Variants in SLC39A3 observed in about 807,000 individuals in gnomAD.
SLC39A3 encodes solute carrier family 39 member 3, also known as zinc transporter ZIP3.
Under a neutral mutation model 5.1 loss-of-function variants are expected in SLC39A3, and 3 were observed. The observed-to-expected ratio is 0.59, with a 90% CI of 0.27 to 1.54. The LOEUF (loss-of-function observed/expected upper bound fraction) is 1.54, where lower values mean the gene tolerates loss of function less well. Ranked by LOEUF, SLC39A3 falls within the 40% of genes most tolerant of loss-of-function variation. The pLI is 0.12. For synonymous variants in SLC39A3, 250 were observed against 218.8 expected, an observed-to-expected ratio of 1.14 and a Z score of -1.26; for missense variants, 412 against 436.4, an observed-to-expected ratio of 0.94 and a Z score of 0.50.
chr19:2,734,956 A>G lies in SLC39A3; in HGVS notation c.211-1471T>C. On this transcript the variant is annotated intron_variant, in intron 2 of 2. Coordinates refer to ENST00000269740, the MANE Select transcript of SLC39A3 (RefSeq NM_144564.5). This position sits in a 1 kb window ranked among gnomAD's most constrained non-coding sequence, Gnocchi z 4.6. Reference sequence around the variant, plus strand: ...GCACCATTTTCCAGGGGTGACTGAGAGCCTGGCCCTGCAGTGGGTGAGGCT... The same window carrying G: ...GCACCATTTTCCAGGGGTGACTGAGGGCCTGGCCCTGCAGTGGGTGAGGCT... 1.0e-6 allele frequency: 1 copy of G among 985,446 alleles called. No homozygotes were observed. Among genetic ancestry groups the G allele is most frequent in the Non-Finnish European group, 1.2e-6 (1 of 829,974 alleles). 61.0% of individuals were successfully genotyped at this position (985,446 alleles called of 1,614,324 possible).
At chr19:2,738,970 C>T (rs556800008) in intron 1 of SLC39A3, among the ~76,000 whole-genome samples, 120 of 149,652 alleles carry the variant, frequency 8.0e-4, no homozygotes, top group African/African-American at 2.7e-3. Flanking sequence ...CATGGTGGTA[C>T]GTGCCTGTAA....
At chr19:2,736,655 TGATAAAC>T in intron 2 of SLC39A3, 1 of 1,140,672 alleles carries the variant, frequency 8.8e-7, no homozygotes, top group Non-Finnish European at 1.1e-6. Flanking sequence ...AACTGTGAGA[TGATAAAC>T]GTCTGTAGTC....
rs1009407932 is a variant in SLC39A3 at position 2,734,553 on chromosome 19, A to G, written c.211-1068T>C. 9 of 177,582 alleles carry G rather than the reference A, an allele frequency of 5.1e-5. No individual in the cohort carries two copies. In the East Asian group the frequency reaches 1.7e-3, roughly 34 times the overall value. 11.0% of individuals were successfully genotyped at this position (177,582 alleles called of 1,614,324 possible). On this transcript the variant is annotated intron_variant, in intron 2 of 2. Coordinates refer to ENST00000269740, the MANE Select transcript of SLC39A3 (RefSeq NM_144564.5). This position sits in a 1 kb window ranked among gnomAD's most constrained non-coding sequence, Gnocchi z 4.6. ...TCTGGAAACATTTTTTATTTTCACA[A>G]CTCGGGTAGGGGGAAGGTGCTGACA...
At position 2,737,348 on chromosome 19, in the gene SLC39A3, C is replaced by T. The variant is rs989303983; in HGVS notation, c.-91G>A. ...CACGATGTGCTACCGAGCCCAACCA[C>T]ACAGTTGGAGGCTCATGTCTCAGTC... On this transcript the variant is annotated 5_prime_UTR_variant, in exon 2 of 3. The change creates a new upstream start codon in the 5' untranslated region. Transcript: ENST00000269740. 2.7e-6 allele frequency: 4 copies of T among 1,501,734 alleles called. No homozygotes were observed. The African/African-American group carries it at 5.6e-5, about 21-fold the overall frequency. The allele number at this position is 1,501,734 out of a possible 1,614,324, so 93.0% of individuals were successfully genotyped here. A position where few individuals can be genotyped will look rare whatever the true frequency, so the allele number is the denominator to read the frequency against.
rs551179920 is a variant in SLC39A3, at chr19:2,734,784, G to T, written c.211-1299C>A. On this transcript the variant is annotated intron_variant, in intron 2 of 2. Transcript: ENST00000269740. The surrounding 1 kb of genome is among the most constrained non-coding windows in gnomAD (Gnocchi z 4.6). ...CAGCAGAAGGCTGTGTTTCCACGGAGAAGCCACTTAACTCCCTCACTGACC... is the reference window on the plus strand; with the variant it reads ...CAGCAGAAGGCTGTGTTTCCACGGATAAGCCACTTAACTCCCTCACTGACC... The T allele has an allele frequency of 1.0e-6, 1 of 985,394 alleles. No individual in the cohort carries two copies. Among genetic ancestry groups the T allele is most frequent in the Non-Finnish European group, 1.2e-6 (1 of 829,972 alleles). 61.0% of individuals were successfully genotyped at this position (985,394 alleles called of 1,614,324 possible). A position where few individuals can be genotyped will look rare whatever the true frequency, so the allele number is the denominator to read the frequency against.
chr19:2,738,519 T>C (rs1454641621), intron 1 of SLC39A3, among the ~76,000 whole-genome samples: 25 of 152,150 alleles, frequency 1.6e-4, no homozygotes, highest in Non-Finnish European at 1.5e-5. Context: ...CTGCATGGGT[T>C]CTCCTCTCTC....
Position 2,733,528 on chromosome 19 carries a change from CA to C in SLC39A3, c.211-44del. On this transcript the variant is annotated intron_variant, in intron 2 of 2. Coordinates refer to ENST00000269740, the MANE Select transcript of SLC39A3 (RefSeq NM_144564.5). The surrounding 1 kb of genome is among the most constrained non-coding windows in gnomAD (Gnocchi z 6.1). ...CGAGAGAGAGAGAGAGACCCACGCT[CA>C]GGGGTGGCGGCGACAGGGCTGGCCA... 6.4e-7 allele frequency: 1 copy of C among 1,564,932 alleles called. No individual in the cohort carries two copies. The highest frequency in any genetic ancestry group is 8.6e-7 in the Non-Finnish European group (1 of 1,156,382).
At position 2,733,498 on chromosome 19, in the gene SLC39A3, A is replaced by C. The variant is rs762758360; in HGVS notation, c.211-13T>G. The C allele has an allele frequency of 2.5e-6, 4 of 1,602,676 alleles. No individual in the cohort carries two copies. In the South Asian group the frequency reaches 3.3e-5, roughly 13 times the overall value. ...GGACCTTCTGGAGCTGCAGCCGGGG[A>C]CACCCGAGAGAGAGAGAGAGACCCA... On this transcript the variant is annotated splice_polypyrimidine_tract_variant and intron_variant, in intron 2 of 2. Transcript: ENST00000269740. The surrounding 1 kb of genome is among the most constrained non-coding windows in gnomAD (Gnocchi z 6.1).
At position 2,733,046 on chromosome 19, in the gene SLC39A3, A is replaced by T. The variant is rs1914245543; in HGVS notation, c.650T>A (p.Ile217Asn). The T allele has an allele frequency of 1.2e-6, 2 of 1,609,424 alleles. No homozygotes were observed. Among genetic ancestry groups the T allele is most frequent in the South Asian group, 2.2e-5 (2 of 90,788 alleles). Residue 217 changes from isoleucine (I) to asparagine (N), a missense_variant, in exon 3 of 3, where the codon ATC becomes AAC. Coordinates refer to ENST00000269740, the MANE Select transcript of SLC39A3 (RefSeq NM_144564.5). The surrounding 1 kb of genome is among the most constrained non-coding windows in gnomAD (Gnocchi z 6.1). ...HETLVAVALG[I>N]SMARSAMPLR... ...GGGCATGGCACTCCGGGCCATGCTG[A>T]TGCCCAGGGCCACGGCCACCAGTGT...
chr19:2,736,918 C>A (rs888660674), intron 2 of SLC39A3, 130 bp downstream of exon 2: 3 of 1,541,018 alleles, frequency 1.9e-6, no homozygotes, highest in Non-Finnish European at 2.6e-6. Flanking sequence ...ACAGCAAATT[C>A]ACTTCCTACT....
intron 2 of SLC39A3, chr19:2,736,103 C>G: frequency 1.0e-6 from 1 of 985,510 alleles, no homozygotes; most frequent in Non-Finnish European, 1.2e-6. Flanking sequence ...TGTGGCCTGA[C>G]AGGGGACCCA....
Position 2,737,109 on chromosome 19 carries a change from A to G in SLC39A3, c.149T>C (p.Phe50Ser). ...CGTGGCCAGAAACACCCCTCCTCCA[A>G]AGGTGTTGCAGAGAGAGAGGATCTT... Reference protein sequence around the residue: ...SKKILSLCNTFGGGVFLATCF... With the variant: ...SKKILSLCNTSGGGVFLATCF... The change falls in exon 2 of 3, where the codon TTT (phenylalanine) becomes TCT (serine). Residue 50 changes from phenylalanine to serine, a missense_variant. Transcript: ENST00000269740. The G allele has an allele frequency of 6.2e-7, 1 of 1,614,052 alleles. No homozygotes were observed. Among genetic ancestry groups the G allele is most frequent in the Non-Finnish European group, 8.5e-7 (1 of 1,180,004 alleles).
At position 2,734,929 on chromosome 19, in the gene SLC39A3, A is replaced by C; in HGVS notation, c.211-1444T>G. The C allele has an allele frequency of 1.0e-6, 1 of 985,498 alleles. No homozygotes were observed. The highest frequency in any genetic ancestry group is 1.2e-6 in the Non-Finnish European group (1 of 829,980). The allele number at this position is 985,498 out of a possible 1,614,324, so 61.0% of individuals were successfully genotyped here. A position where few individuals can be genotyped will look rare whatever the true frequency, so the allele number is the denominator to read the frequency against. Reference sequence around the variant, plus strand: ...GGCAGATGCACGGGAGCTGTGAACCAGGCACCATTTTCCAGGGGTGACTGA... The same window carrying C: ...GGCAGATGCACGGGAGCTGTGAACCCGGCACCATTTTCCAGGGGTGACTGA... On this transcript the variant is annotated intron_variant, in intron 2 of 2. Coordinates refer to ENST00000269740, the MANE Select transcript of SLC39A3 (RefSeq NM_144564.5). The surrounding 1 kb of genome is among the most constrained non-coding windows in gnomAD (Gnocchi z 4.6).
At chr19:2,737,023 C>T in intron 2 of SLC39A3, 25 bp downstream of exon 2, 1 of 1,613,700 alleles carries the variant, frequency 6.2e-7, no homozygotes, top group East Asian at 2.2e-5. Context: ...CCAAGGGCTG[C>T]TGCTAGTGCC....
At chr19:2,737,547 AGACACG>A in intron 1 of SLC39A3, 168 bp from the exon 2 acceptor site, 1 of 405,820 alleles carries the variant, frequency 2.5e-6, no homozygotes, top group Non-Finnish European at 4.4e-6. Context: ...CTGGGATTAC[AGACACG>A]CGCCACCACT....
At chr19:2,736,380 T>C (rs552135893) in intron 2 of SLC39A3, 21 of 201,456 alleles carry the variant, frequency 1.0e-4, no homozygotes, top group South Asian at 1.4e-4. Flanking sequence ...GTCATGGCCA[T>C]CTTCTCCATT....
In SLC39A3 at chr19:2,735,212, A is replaced by G. The variant is rs1269454733; in HGVS notation, c.211-1727T>C. The G allele has an allele frequency of 1.0e-6, 1 of 985,350 alleles. No individual in the cohort carries two copies. Among genetic ancestry groups the G allele is most frequent in the African/African-American group, 1.7e-5 (1 of 57,236 alleles). 61.0% of individuals were successfully genotyped at this position (985,350 alleles called of 1,614,324 possible). A position where few individuals can be genotyped will look rare whatever the true frequency, so the allele number is the denominator to read the frequency against. On this transcript the variant is annotated intron_variant, in intron 2 of 2. Transcript: ENST00000269740. This position sits in a 1 kb window ranked among gnomAD's most constrained non-coding sequence, Gnocchi z 5.7. ...ATGCAGGAGATGTCAGAGATGACCA[A>G]GATCTCCATCCTCGCAGTGCAGATG...
In SLC39A3 at chr19:2,735,228, A is replaced by G. The variant is rs1914323629; in HGVS notation, c.211-1743T>C. 1.0e-6 allele frequency: 1 copy of G among 985,300 alleles called. No homozygotes were observed. The highest frequency in any genetic ancestry group is 1.2e-6 in the Non-Finnish European group (1 of 829,898). 61.0% of individuals were successfully genotyped at this position (985,300 alleles called of 1,614,324 possible). A position where few individuals can be genotyped will look rare whatever the true frequency, so the allele number is the denominator to read the frequency against. ...AGATGACCAAGATCTCCATCCTCGC[A>G]GTGCAGATGTCAGTCTTCACACACC... On this transcript the variant is annotated intron_variant, in intron 2 of 2. Transcript: ENST00000269740. This position sits in a 1 kb window ranked among gnomAD's most constrained non-coding sequence, Gnocchi z 5.7.
Position 2,735,919 on chromosome 19 carries a change from T to C in SLC39A3, c.210+1129A>G, listed in dbSNP as rs1914351862. On this transcript the variant is annotated intron_variant, in intron 2 of 2. Transcript: ENST00000269740. The surrounding 1 kb of genome is among the most constrained non-coding windows in gnomAD (Gnocchi z 5.7). ...GCACGAGGAAAAGCAGGGCCAGGGG[T>C]TGGGGGATAAGCTTAGGGCTTCCAT... 3 of 985,264 alleles carry C rather than the reference T, an allele frequency of 3.0e-6. No individual in the cohort carries two copies. The highest frequency in any genetic ancestry group is 1.7e-5 in the African/African-American group (1 of 57,272). The allele number at this position is 985,264 out of a possible 1,614,324, so 61.0% of individuals were successfully genotyped here. A position where few individuals can be genotyped will look rare whatever the true frequency, so the allele number is the denominator to read the frequency against.
Sources: gnomAD v4.1 joint callset for allele counts (sites outside exome capture counted in the v4.1 genomes callset) on GRCh38, gnomAD v4.1.1 for gene constraint, Gnocchi (gnomAD v3.1) non-coding constraint, MANE v1.5 for transcripts, NCBI Gene and HGNC (gene_info 2026-07-23, HGNC 2026-07-21) for gene names.